CDH13: variants seen among roughly 807,000 people sequenced by gnomAD.
The protein encoded by CDH13 is cadherin 13, also known as cadherin-13.
A neutral mutation model predicts 63.8 loss-of-function variants in CDH13; 24 were observed. The observed-to-expected ratio is 0.38, with a 90% confidence interval of 0.27 to 0.53. The LOEUF is 0.53. CDH13 is among the 20% of genes least tolerant of loss of function. CDH13 has a pLI of 0.85. For synonymous variants in CDH13, 503 were observed against 355.3 expected, an observed-to-expected ratio of 1.42 and a Z score of -4.67; for missense variants, 1,049 against 903.1, an observed-to-expected ratio of 1.16 and a Z score of -2.07.
chr16:83,297,297 A>C (rs1567572556), intron 5 of CDH13, among the ~76,000 whole-genome samples: 1 of 152,226 alleles, frequency 6.6e-6, no homozygotes, highest in Non-Finnish European at 1.5e-5. Flanking sequence ...CCTGGATTTG[A>C]TCATTATACA....
intron 8 of CDH13, among the ~76,000 whole-genome samples, chr16:83,617,032 C>T (rs923265088): frequency 2.4e-4 from 37 of 152,182 alleles, no homozygotes; most frequent in African/African-American, 8.7e-4. Flanking sequence ...TTTGTTACTT[C>T]CTCTTCCTTG....
intron 7 of CDH13, among the ~76,000 whole-genome samples, chr16:83,597,624 TA>T: frequency 6.6e-6 from 1 of 152,342 alleles, no homozygotes; most frequent in African/African-American, 2.4e-5. Flanking sequence ...ACTTCAGTAC[TA>T]AAAATATTTT....
At chr16:83,127,513 C>A (rs752547531) in intron 4 of CDH13, among the ~76,000 whole-genome samples, 1 of 151,882 alleles carries the variant, frequency 6.6e-6, no homozygotes, top group African/African-American at 2.4e-5. Context: ...GAGGATCACC[C>A]GAGGTCAGGA....
chr16:83,517,214 A>G (rs1356393900), intron 7 of CDH13, among the ~76,000 whole-genome samples: 1 of 152,226 alleles, frequency 6.6e-6, no homozygotes, highest in Non-Finnish European at 1.5e-5. Flanking sequence ...AGTGCTTGCA[A>G]GACAGTTTAA....
chr16:83,412,111 A>G (rs1451600084), intron 6 of CDH13, among the ~76,000 whole-genome samples: 2 of 152,184 alleles, frequency 1.3e-5, no homozygotes, highest in Non-Finnish European at 2.9e-5. Flanking sequence ...ACCACTTAAG[A>G]ACGTGCTGAA....
At chr16:83,095,094 G>A (rs2034128528) in intron 3 of CDH13, among the ~76,000 whole-genome samples, 1 of 152,160 alleles carries the variant, frequency 6.6e-6, no homozygotes, top group Admixed American at 6.5e-5. Context: ...AACTTGATAA[G>A]AAGATTTCTG....
intron 1 of CDH13, chr16:82,639,548 G>C (rs1340017170): frequency 1.2e-6 from 1 of 865,272 alleles, no homozygotes; most frequent in Non-Finnish European, 1.9e-6. Context: ...CTAAGTCAGT[G>C]CTTCCTGCAA....
rs1408574076 is a variant in CDH13, at chr16:83,059,530, G to C, written c.366+27312G>C. Among the ~76,000 whole-genome samples the C allele has an allele frequency of 4.6e-5, 7 of 152,180 alleles. No individual in the cohort carries two copies. In the South Asian group the frequency reaches 1.2e-3, roughly 27 times the overall value. On this transcript the variant is annotated intron_variant, in intron 3 of 13. Coordinates refer to ENST00000567109, the MANE Select transcript of CDH13 (RefSeq NM_001257.5). Reference sequence around the variant, plus strand: ...GCGCTCGGGTGTCTGCCATGGCCTAGGTTTCTTATGAGAGATTGAACTCTT... The same window carrying C: ...GCGCTCGGGTGTCTGCCATGGCCTACGTTTCTTATGAGAGATTGAACTCTT...
intron 1 of CDH13, among the ~76,000 whole-genome samples, chr16:82,854,390 G>C (rs949046975): frequency 6.4e-5 from 7 of 109,936 alleles, no homozygotes; most frequent in Non-Finnish European, 1.3e-4. Context: ...GACAGAGCAA[G>C]GCTCTGTCTC....
intron 3 of CDH13, among the ~76,000 whole-genome samples, chr16:83,042,238 G>A (rs754612540): frequency 4.6e-5 from 7 of 152,202 alleles, no homozygotes; most frequent in Non-Finnish European, 8.8e-5. Flanking sequence ...TGAGTGGCAG[G>A]TGAGCAAGCA....
intron 2 of CDH13, among the ~76,000 whole-genome samples, chr16:83,027,054 C>T (rs1915873933): frequency 6.6e-6 from 1 of 151,582 alleles, no homozygotes; most frequent in Admixed American, 6.6e-5. Flanking sequence ...CCTCTTATCC[C>T]AATTCACAGC....
intron 1 of CDH13, among the ~76,000 whole-genome samples, chr16:82,699,159 A>G (rs1448428907): frequency 6.6e-6 from 1 of 152,198 alleles, no homozygotes; most frequent in Non-Finnish European, 1.5e-5. Flanking sequence ...TTGAAGGTGG[A>G]TATTTCTAAT....
At chr16:82,860,409 G>A (rs1597826296) in intron 2 of CDH13, among the ~76,000 whole-genome samples, 1 of 148,938 alleles carries the variant, frequency 6.7e-6, no homozygotes, top group Middle Eastern at 3.5e-3. Context: ...GCGGCGGTGT[G>A]CGTGTGTGCT....
chr16:83,099,658 C>A (rs1412346369), intron 3 of CDH13, among the ~76,000 whole-genome samples: 1 of 110,158 alleles, frequency 9.1e-6, no homozygotes, highest in Non-Finnish European at 2.0e-5. Context: ...ACATAACAGC[C>A]CATGATTCCA....
chr16:83,689,219 A>G (rs1421575887), intron 10 of CDH13, among the ~76,000 whole-genome samples: 1 of 152,200 alleles, frequency 6.6e-6, no homozygotes. Context: ...GAACCAATAT[A>G]GAAAATATTG....
chr16:82,713,050 G>C (rs1426544561), intron 1 of CDH13, among the ~76,000 whole-genome samples: 3 of 65,692 alleles, frequency 4.6e-5, no homozygotes, highest in Non-Finnish European at 1.4e-4. Context: ...CGGCGTGTGT[G>C]TGTGTGGTGT....
chr16:83,221,108 AG>A (rs2039686909), intron 5 of CDH13, among the ~76,000 whole-genome samples: 1 of 152,196 alleles, frequency 6.6e-6, no homozygotes, highest in Admixed American at 6.5e-5. Flanking sequence ...TCAGCTCCAA[AG>A]CCCCACATTT....
At chr16:83,602,118 AAAAAAAAAAAAAAAAAAAAAAAAAAC>A (rs540831427) in intron 7 of CDH13, among the ~76,000 whole-genome samples, 3,178 of 120,012 alleles carry the variant, frequency 0.026, 80 homozygotes, top group Non-Finnish European at 0.038. Flanking sequence ...AAAAAAAAAA[AAAAAAAAAAAAAAAAAAAAAAAAAAC>A]CCAAAGGACA....
intron 3 of CDH13, among the ~76,000 whole-genome samples, chr16:83,102,187 T>C (rs72798340): frequency 0.049 from 7,537 of 152,296 alleles, 274 homozygotes; most frequent in Non-Finnish European, 0.072. Context: ...GGTGTACATC[T>C]TCCAGAAGGA....
Sources: allele counts gnomAD v4.1 joint callset (sites outside exome capture counted in the v4.1 genomes callset), GRCh38; gene constraint gnomAD v4.1.1; transcripts MANE v1.5; gene names NCBI Gene and HGNC (gene_info 2026-07-23, HGNC 2026-07-21).